Variants in CTNNA3 observed in about 807,000 individuals in gnomAD.
CTNNA3 encodes the protein catenin alpha 3.
CTNNA3 carries 76 observed loss-of-function variants against 95.7 expected under a neutral mutation model. The ratio of observed to expected loss-of-function variants is 0.79; its 90% CI spans 0.66 to 0.96. CTNNA3 has a LOEUF of 0.96. Among genes scored for constraint, CTNNA3 ranks in the 40% least tolerant of loss-of-function variants. CTNNA3 has a pLI of 0.00. For synonymous variants in CTNNA3, 431 were observed against 374.4 expected, an observed-to-expected ratio of 1.15 and a Z score of -1.74; for missense variants, 1,191 against 1,089.8, an observed-to-expected ratio of 1.09 and a Z score of -1.31.
chr10:67,208,333 C>T (rs1405007902), intron 6 of CTNNA3, among the ~76,000 whole-genome samples: 6 of 144,408 alleles, frequency 4.2e-5, no homozygotes. Flanking sequence ...GAGCCGAGAT[C>T]GTGCCACTGC....
At chr10:67,314,245 C>T (rs1305249671) in intron 5 of CTNNA3, among the ~76,000 whole-genome samples, 1 of 152,140 alleles carries the variant, frequency 6.6e-6, no homozygotes, top group Non-Finnish European at 1.5e-5. Context: ...ATCATCTATA[C>T]TACGGCTAGG....
intron 11 of CTNNA3, among the ~76,000 whole-genome samples, chr10:66,435,737 C>T (rs1235410321): frequency 6.6e-6 from 1 of 152,034 alleles, no homozygotes; most frequent in Non-Finnish European, 1.5e-5. Context: ...AATTTGTTTG[C>T]TATTGCTTCT....
At position 67,427,486 on chromosome 10, in the gene CTNNA3, T is replaced by G. The variant is rs1373936344; in HGVS notation, c.579+94356A>C. ...AATTATGTCATGTTTTGGCCCCTTCTCTTTGTAAAAATTCAAAAAACTCAT... is the reference window on the plus strand; with the variant it reads ...AATTATGTCATGTTTTGGCCCCTTCGCTTTGTAAAAATTCAAAAAACTCAT... On this transcript the variant is annotated intron_variant, in intron 5 of 17. Coordinates refer to ENST00000433211, the MANE Select transcript of CTNNA3 (RefSeq NM_013266.4). 2.6e-5 allele frequency among the ~76,000 whole-genome samples: 4 copies of G among 152,032 alleles called. No individual in the cohort carries two copies. In the East Asian group the frequency reaches 7.7e-4, roughly 29 times the overall value.
chr10:67,447,748 T>G (rs1390192091), intron 5 of CTNNA3, among the ~76,000 whole-genome samples: 2 of 152,154 alleles, frequency 1.3e-5, no homozygotes, highest in Non-Finnish European at 2.9e-5. Flanking sequence ...GCTTGATGTG[T>G]ATGTGTTTGT....
chr10:66,336,427 C>T (rs982757498), intron 12 of CTNNA3, among the ~76,000 whole-genome samples: 5 of 151,986 alleles, frequency 3.3e-5, no homozygotes, highest in Admixed American at 2.6e-4. Context: ...ATTTTGCCAC[C>T]GTTTGTCTAG....
At position 66,586,384 on chromosome 10, in the gene CTNNA3, A is replaced by C. The variant is rs1843362298; in HGVS notation, c.1374+35308T>G. Among the ~76,000 whole-genome samples the C allele has an allele frequency of 2.6e-5, 4 of 152,108 alleles. No individual in the cohort carries two copies. In the South Asian group the frequency reaches 8.3e-4, roughly 32 times the overall value. The stretch of plus-strand genomic sequence containing the variant: ...CCGTGAAATACACTGAGGTCTTTTC[A>C]TGGGGAAGTGAAGGAGCCACCCCAG... On this transcript the variant is annotated intron_variant, in intron 10 of 17. Transcript: ENST00000433211.
intron 7 of CTNNA3, among the ~76,000 whole-genome samples, chr10:66,975,091 G>C (rs1849956198): frequency 6.6e-6 from 1 of 151,968 alleles, no homozygotes; most frequent in Non-Finnish European, 1.5e-5. Flanking sequence ...CTGACCAAAA[G>C]GGTCATTCTT....
intron 5 of CTNNA3, among the ~76,000 whole-genome samples, chr10:67,465,847 C>G (rs745473777): frequency 1.3e-5 from 2 of 152,080 alleles, no homozygotes; most frequent in African/African-American, 2.4e-5. Flanking sequence ...GTTATTTTCC[C>G]CCACATCGAA....
intron 5 of CTNNA3, among the ~76,000 whole-genome samples, chr10:67,324,969 G>A (rs1174756246): frequency 6.6e-6 from 1 of 152,038 alleles, no homozygotes; most frequent in Non-Finnish European, 1.5e-5. Context: ...AGTCTTGGGA[G>A]GTTGTATGTG....
At chr10:66,674,983 G>A (rs1415391629) in intron 9 of CTNNA3, among the ~76,000 whole-genome samples, 1 of 151,996 alleles carries the variant, frequency 6.6e-6, no homozygotes, top group African/African-American at 2.4e-5. Context: ...GAAGCACCAG[G>A]GCAAATATTT....
intron 5 of CTNNA3, among the ~76,000 whole-genome samples, chr10:67,416,538 G>A (rs989608120): frequency 2.1e-4 from 32 of 150,480 alleles, no homozygotes; most frequent in Non-Finnish European, 3.5e-4. Flanking sequence ...AACCCGGGGG[G>A]CGGAGCTTGC....
In CTNNA3 at chr10:67,709,623, C is replaced by T. The variant is rs190403579; in HGVS notation, c.-2+53811G>A. On this transcript the variant is annotated intron_variant, in intron 1 of 17. Coordinates refer to the CTNNA3 transcript ENST00000684154. The stretch of plus-strand genomic sequence containing the variant: ...CACCCCTCCCCCCAACCCTCCCGCT[C>T]CATATCTGATCTCCCTTGATTGGGT... Among the ~76,000 whole-genome samples, 16 of 151,994 alleles carry T rather than the reference C, an allele frequency of 1.1e-4. No individual in the cohort carries two copies. The East Asian group carries it at 3.1e-3, about 29-fold the overall frequency.
chr10:66,922,804 TTTTTA>T lies in CTNNA3; in HGVS notation c.1048-147285_1048-147281del, dbSNP rs577614982. On this transcript the variant is annotated intron_variant, in intron 7 of 17. Coordinates refer to ENST00000433211, the MANE Select transcript of CTNNA3 (RefSeq NM_013266.4). The stretch of plus-strand genomic sequence containing the variant: ...ATTCCTGTCATATAGTTTTGTTTTA[TTTTTA>T]TTTTATTTTTTATTTTTGTGGGTAC... Among the ~76,000 whole-genome samples, 11 of 152,324 alleles carry T rather than the reference TTTTTA, an allele frequency of 7.2e-5. No individual in the cohort carries two copies. The South Asian group carries it at 1.5e-3, about 20-fold the overall frequency.
intron 5 of CTNNA3, among the ~76,000 whole-genome samples, chr10:67,257,454 T>A (rs974712992): frequency 7.9e-5 from 12 of 152,236 alleles, no homozygotes; most frequent in Non-Finnish European, 1.5e-4. Flanking sequence ...CTAATTATAT[T>A]CCTACATGAA....
chr10:66,735,859 T>C (rs936300903), intron 9 of CTNNA3, among the ~76,000 whole-genome samples: 4 of 152,038 alleles, frequency 2.6e-5, no homozygotes, highest in East Asian at 1.9e-4. Context: ...ACCATGAGAG[T>C]TGCTTTAATA....
intron 5 of CTNNA3, among the ~76,000 whole-genome samples, chr10:67,237,126 G>GTATATATA (rs59511861): frequency 1.3e-4 from 5 of 39,844 alleles, no homozygotes; most frequent in Non-Finnish European, 2.2e-4. Flanking sequence ...TATGGTGTAT[G>GTATATATA]TATATATATA....
intron 7 of CTNNA3, among the ~76,000 whole-genome samples, chr10:66,796,971 C>T (rs1172276680): frequency 1.3e-5 from 2 of 151,876 alleles, no homozygotes; most frequent in Non-Finnish European, 2.9e-5. Flanking sequence ...TCGTAATTAT[C>T]TTTCAGTTTA....
intron 5 of CTNNA3, among the ~76,000 whole-genome samples, chr10:67,236,038 T>C (rs1229364886): frequency 2.1e-5 from 3 of 144,120 alleles, no homozygotes; most frequent in African/African-American, 5.4e-5. Flanking sequence ...TGTGGAGAAA[T>C]AGGAACACTT....
intron 11 of CTNNA3, among the ~76,000 whole-genome samples, chr10:66,503,993 T>C (rs1306121653): frequency 2.6e-5 from 4 of 152,200 alleles, no homozygotes; most frequent in African/African-American, 7.2e-5. Flanking sequence ...GTATATATTA[T>C]AGAATGGCTA....
Sources: gnomAD v4.1 joint callset for allele counts (sites outside exome capture counted in the v4.1 genomes callset) on GRCh38, gnomAD v4.1.1 for gene constraint, MANE v1.5 for transcripts, NCBI Gene and HGNC (gene_info 2026-07-23, HGNC 2026-07-21) for gene names.